Variants in SMC6 observed in about 807,000 individuals in gnomAD.
SMC6 encodes the protein structural maintenance of chromosomes protein 6.
In SMC6, 79 loss-of-function variants were observed where a neutral mutation model predicts 142.2. That is an observed-to-expected ratio of 0.56 (90% CI 0.46 to 0.67). SMC6 has a LOEUF of 0.67. SMC6 is among the 30% of genes least tolerant of loss of function. SMC6 has a pLI of 0.00. For missense variants in SMC6, 1,072 were observed against 1,284.0 expected (o/e 0.83, Z 2.52); for synonymous variants, 411 against 412.4 (o/e 1.00, Z 0.04).
chr2:17,714,382 C>T (rs1668979753), intron 16 of SMC6, among the ~76,000 whole-genome samples: 1 of 152,168 alleles, frequency 6.6e-6, no homozygotes, highest in Non-Finnish European at 1.5e-5. Context: ...GCATGAGCCC[C>T]TGTGCCTGGC....
intron 3 of SMC6, among the ~76,000 whole-genome samples, chr2:17,743,533 T>G (rs566944631): frequency 2.2e-4 from 34 of 152,290 alleles, no homozygotes; most frequent in African/African-American, 8.2e-4. Context: ...TCCCTCATTA[T>G]CAACATCCAC....
At chr2:17,712,061 A>T (rs1477081748) in intron 16 of SMC6, among the ~76,000 whole-genome samples, 1 of 152,254 alleles carries the variant, frequency 6.6e-6, no homozygotes, top group Non-Finnish European at 1.5e-5. Context: ...CCTAAAGAGT[A>T]TGAGAACCAA....
In SMC6 at chr2:17,665,450, T is replaced by C. The variant is rs775483341; in HGVS notation, c.*49A>G. ...ATATCAAAGAGTCCAGAATTTTTTT[T>C]CCCTTCACAAATCCTTCAACATCAG... is the stretch of plus-strand genomic sequence containing the variant. On this transcript the variant is annotated 3_prime_UTR_variant, in exon 28 of 28. Coordinates refer to ENST00000448223, the MANE Select transcript of SMC6 (RefSeq NM_001142286.2). 20 of 1,319,992 alleles carry C rather than the reference T, an allele frequency of 1.5e-5. No homozygotes were observed. Among genetic ancestry groups the C allele is most frequent in the African/African-American group, 6.0e-5 (4 of 67,110 alleles). The allele number at this position is 1,319,992 out of a possible 1,614,324, so 81.8% of individuals were successfully genotyped here. A position where few individuals can be genotyped will look rare whatever the true frequency, so the allele number is the denominator to read the frequency against.
intron 26 of SMC6, among the ~76,000 whole-genome samples, chr2:17,669,787 T>A (rs867902069): frequency 3.3e-5 from 5 of 152,212 alleles, no homozygotes; most frequent in Non-Finnish European, 2.9e-5. Flanking sequence ...TATGAGAACT[T>A]ACTATATGCC....
intron 16 of SMC6, among the ~76,000 whole-genome samples, 177 bp from the exon 17 acceptor site, chr2:17,708,930 T>C (rs1187218052): frequency 1.3e-5 from 2 of 152,024 alleles, no homozygotes; most frequent in Admixed American, 6.6e-5. Context: ...AACATAGCTG[T>C]ATAGGTTTAT....
intron 15 of SMC6, 101 bp from the exon 16 acceptor site, chr2:17,715,166 T>C (rs1669020486): frequency 2.7e-6 from 3 of 1,106,418 alleles, no homozygotes; most frequent in Non-Finnish European, 3.9e-6. Context: ...TATATTTTTA[T>C]ATAAAGCAGT....
intron 5 of SMC6, among the ~76,000 whole-genome samples, chr2:17,732,889 G>A (rs541521631): frequency 6.6e-6 from 1 of 151,852 alleles, no homozygotes; most frequent in Non-Finnish European, 1.5e-5. Context: ...TTACAGCCAC[G>A]CATATTTTAA....
At chr2:17,685,718 T>C (rs1385590462) in intron 23 of SMC6, among the ~76,000 whole-genome samples, 4 of 152,066 alleles carry the variant, frequency 2.6e-5, no homozygotes, top group Non-Finnish European at 5.9e-5. Flanking sequence ...AATACCTCCA[T>C]AACCTAGATG....
At chr2:17,751,352 T>C (rs1671024551) in intron 2 of SMC6, among the ~76,000 whole-genome samples, 1 of 151,636 alleles carries the variant, frequency 6.6e-6, no homozygotes, top group African/African-American at 2.4e-5. Context: ...TGGTGGTGCA[T>C]GCCTGTAATC....
intron 23 of SMC6, among the ~76,000 whole-genome samples, chr2:17,693,552 G>C (rs181770887): frequency 6.6e-6 from 1 of 151,962 alleles, no homozygotes; most frequent in African/African-American, 2.4e-5. Context: ...CTGTGTGGTG[G>C]GGGGAGGGAC....
At chr2:17,741,574 A>T in intron 4 of SMC6, 38 bp downstream of exon 4, 2 of 1,322,494 alleles carry the variant, frequency 1.5e-6, no homozygotes, top group Non-Finnish European at 2.1e-6. Flanking sequence ...ATCTCAAAGT[A>T]CTGCTCAAAG....
chr2:17,708,979 T>C (rs1046063318), intron 16 of SMC6, among the ~76,000 whole-genome samples: 1 of 152,106 alleles, frequency 6.6e-6, no homozygotes, highest in Non-Finnish European at 1.5e-5. Context: ...CTAGGCACTG[T>C]TATAAGCATG....
At chr2:17,684,969 A>T (rs1230133708) in intron 23 of SMC6, among the ~76,000 whole-genome samples, 2 of 152,198 alleles carry the variant, frequency 1.3e-5, no homozygotes, top group Non-Finnish European at 2.9e-5. Flanking sequence ...AGGTAAAGCA[A>T]GAGAACCCAC....
At chr2:17,703,534 G>A (rs150672004) in intron 18 of SMC6, among the ~76,000 whole-genome samples, 336 of 151,994 alleles carry the variant, frequency 2.2e-3, no homozygotes, top group Non-Finnish European at 2.8e-3. Flanking sequence ...GTTGACTCTT[G>A]AACAATGCAG....
At chr2:17,734,933 T>C (rs763465080) in intron 5 of SMC6, among the ~76,000 whole-genome samples, 2 of 152,150 alleles carry the variant, frequency 1.3e-5, no homozygotes, top group Admixed American at 6.5e-5. Flanking sequence ...GGTTTCGCCA[T>C]GTTGGCCAGG....
At chr2:17,741,488 C>A (rs1220491622) in intron 4 of SMC6, 124 bp downstream of exon 4, 3 of 615,148 alleles carry the variant, frequency 4.9e-6, no homozygotes, top group Admixed American at 2.7e-5. Context: ...ATATTCATAA[C>A]CACAAGTTAT....
chr2:17,724,646 AAT>A (rs1344003825), intron 9 of SMC6, among the ~76,000 whole-genome samples: 1 of 152,200 alleles, frequency 6.6e-6, no homozygotes, highest in Non-Finnish European at 1.5e-5. Context: ...ATAAGAACAA[AAT>A]ATAACAGATT....
At chr2:17,711,292 A>G (rs554189064) in intron 16 of SMC6, among the ~76,000 whole-genome samples, 3 of 152,196 alleles carry the variant, frequency 2.0e-5, no homozygotes, top group Admixed American at 1.3e-4. Flanking sequence ...GGAGGATACA[A>G]TATTAGTCTA....
chr2:17,732,912 T>TA lies in SMC6; in HGVS notation c.345-1036dup, dbSNP rs199999918. ...ACGCATATTTTAAGATCTATAGGAG[T>TA]AAAAAAAAAAATCTTTATTTGTGTA... On this transcript the variant is annotated intron_variant, in intron 5 of 27. Coordinates refer to ENST00000448223, the MANE Select transcript of SMC6 (RefSeq NM_001142286.2). Among the ~76,000 whole-genome samples the TA allele has an allele frequency of 6.9e-4, 101 of 146,804 alleles. 2 individuals carry two copies. The highest frequency in any genetic ancestry group is 2.1e-3 in the African/African-American group (83 of 40,126).
Sources: gnomAD v4.1 joint callset for allele counts (sites outside exome capture counted in the v4.1 genomes callset) on GRCh38, gnomAD v4.1.1 for gene constraint, MANE v1.5 for transcripts, NCBI Gene and HGNC (gene_info 2026-07-23, HGNC 2026-07-21) for gene names.